Variants in CHRM3 observed in about 807,000 individuals in gnomAD.
CHRM3 encodes muscarinic acetylcholine receptor M3.
CHRM3 carries 11 observed loss-of-function variants against 41.8 expected under a neutral mutation model. That is an observed-to-expected ratio of 0.26 (90% CI 0.17 to 0.44). The LOEUF (loss-of-function observed/expected upper bound fraction) is 0.44, where lower values mean the gene tolerates loss of function less well. Among genes scored for constraint, CHRM3 ranks in the 20% least tolerant of loss-of-function variants. CHRM3 has a pLI of 1.00. For synonymous variants in CHRM3, 297 were observed against 301.4 expected (o/e 0.99, Z 0.15); for missense variants, 571 against 745.4 (o/e 0.77, Z 2.72).
chr1:239,656,465 A>G (rs367985182), intron 4 of CHRM3, among the ~76,000 whole-genome samples: 2,380 of 146,546 alleles, frequency 0.016, 67 homozygotes, highest in African/African-American at 0.06. Flanking sequence ...TGCTAAAAAA[A>G]AAAGAAAAAA....
chr1:239,631,779 G>A (rs1021997950), intron 3 of CHRM3, among the ~76,000 whole-genome samples: 9 of 152,130 alleles, frequency 5.9e-5, no homozygotes, highest in South Asian at 2.1e-4. Flanking sequence ...TGTATATTTC[G>A]AATAGTGTCT....
chr1:239,770,507 G>A (rs1667573966), intron 5 of CHRM3, among the ~76,000 whole-genome samples: 1 of 152,150 alleles, frequency 6.6e-6, no homozygotes, highest in East Asian at 1.9e-4. Flanking sequence ...AAAGCTAAGA[G>A]CCTGGATAAA....
chr1:239,603,864 A>G (rs140073930), intron 3 of CHRM3, among the ~76,000 whole-genome samples: 2 of 152,210 alleles, frequency 1.3e-5, no homozygotes, highest in East Asian at 1.9e-4. Flanking sequence ...AATTAATTTT[A>G]TGTAGCTTAG....
chr1:239,437,112 G>A (rs1277280667), intron 1 of CHRM3, among the ~76,000 whole-genome samples: 1 of 151,936 alleles, frequency 6.6e-6, no homozygotes. Context: ...TAGTTCTTTT[G>A]TTTTTGTTTA....
intron 5 of CHRM3, among the ~76,000 whole-genome samples, chr1:239,689,131 A>C (rs1253984026): frequency 6.6e-6 from 1 of 151,892 alleles, no homozygotes; most frequent in African/African-American, 2.4e-5. Flanking sequence ...ATACTACTAC[A>C]TTTATTTACA....
intron 4 of CHRM3, among the ~76,000 whole-genome samples, chr1:239,670,614 G>A (rs1043775081): frequency 6.6e-6 from 1 of 152,018 alleles, no homozygotes; most frequent in African/African-American, 2.4e-5. Flanking sequence ...AGATTCAAGA[G>A]CCTCCCAGAT....
intron 2 of CHRM3, among the ~76,000 whole-genome samples, chr1:239,493,648 G>C (rs1233943547): frequency 6.6e-6 from 1 of 152,166 alleles, no homozygotes; most frequent in Admixed American, 6.6e-5. Flanking sequence ...AGTAGGCTCT[G>C]ACTGAGCAGA....
chr1:239,864,763 T>G, intron 6 of CHRM3, among the ~76,000 whole-genome samples: 1 of 152,288 alleles, frequency 6.6e-6, no homozygotes, highest in African/African-American at 2.4e-5. Context: ...GGAAGATTTT[T>G]CCTTTGATTC....
At chr1:239,808,966 G>A (rs1670884595) in intron 5 of CHRM3, among the ~76,000 whole-genome samples, 1 of 150,882 alleles carries the variant, frequency 6.6e-6, no homozygotes, top group Admixed American at 6.6e-5. Flanking sequence ...AGAAGTTGGT[G>A]AGTTGATATT....
intron 2 of CHRM3, among the ~76,000 whole-genome samples, chr1:239,506,139 A>G (rs952991529): frequency 6.6e-6 from 1 of 152,216 alleles, no homozygotes; most frequent in African/African-American, 2.4e-5. Context: ...GATAGAAAAA[A>G]AATCTCATTT....
chr1:239,579,023 T>G (rs1307673426), intron 3 of CHRM3, among the ~76,000 whole-genome samples: 3 of 152,242 alleles, frequency 2.0e-5, no homozygotes, highest in Non-Finnish European at 2.9e-5. Flanking sequence ...CTAGAATTAA[T>G]TATTAGCATG....
intron 2 of CHRM3, among the ~76,000 whole-genome samples, chr1:239,505,553 T>A (rs992939714): frequency 3.3e-5 from 5 of 152,180 alleles, no homozygotes; most frequent in African/African-American, 1.2e-4. Context: ...TGTGATTCTT[T>A]CCCCACCAAC....
chr1:239,413,417 G>A (rs1482802285), intron 1 of CHRM3, among the ~76,000 whole-genome samples: 1 of 151,980 alleles, frequency 6.6e-6, no homozygotes, highest in Non-Finnish European at 1.5e-5. Context: ...AGCCTCCCAC[G>A]TAGCTGGGAT....
intron 2 of CHRM3, among the ~76,000 whole-genome samples, chr1:239,512,055 G>A (rs1309231712): frequency 6.6e-6 from 1 of 152,172 alleles, no homozygotes; most frequent in African/African-American, 2.4e-5. Context: ...TGTTGGCATG[G>A]CAACCAGATG....
chr1:239,852,508 A>C (rs1674778228), intron 6 of CHRM3, among the ~76,000 whole-genome samples: 1 of 152,168 alleles, frequency 6.6e-6, no homozygotes, highest in African/African-American at 2.4e-5. Flanking sequence ...GCCCTCCCAG[A>C]GAGGGGGATT....
At chr1:239,904,693 A>G (rs1679836677) in intron 6 of CHRM3, among the ~76,000 whole-genome samples, 1 of 152,234 alleles carries the variant, frequency 6.6e-6, no homozygotes, top group Admixed American at 6.5e-5. Flanking sequence ...ATTTAAAAAA[A>G]GTAAAAGAGA....
At chr1:239,605,957 A>G (rs1007495516) in intron 3 of CHRM3, 3 of 152,134 alleles carry the variant, frequency 2.0e-5, no homozygotes, top group African/African-American at 4.8e-5. Context: ...AACTATTTTC[A>G]TAATACTGCT....
intron 5 of CHRM3, among the ~76,000 whole-genome samples, chr1:239,801,813 C>A (rs996201892): frequency 5.3e-5 from 8 of 152,096 alleles, no homozygotes; most frequent in African/African-American, 1.9e-4. Context: ...TTTCAAGAAG[C>A]TTTCCAGAAG....
chr1:239,754,560 A>G (rs573929801), intron 5 of CHRM3, among the ~76,000 whole-genome samples: 4 of 152,374 alleles, frequency 2.6e-5, no homozygotes, highest in African/African-American at 9.6e-5. Context: ...AGTCATGCAG[A>G]GGATTCTTCT....
Sources: gnomAD v4.1 joint callset for allele counts (sites outside exome capture counted in the v4.1 genomes callset) on GRCh38, gnomAD v4.1.1 for gene constraint, MANE v1.5 for transcripts, NCBI Gene and HGNC (gene_info 2026-07-23, HGNC 2026-07-21) for gene names.